LINGO2: variants seen among roughly 807,000 people sequenced by gnomAD.
LINGO2 encodes the protein leucine rich repeat and Ig domain containing 2.
LINGO2 carries 14 observed loss-of-function variants against 30.6 expected under a neutral mutation model. That is an observed-to-expected ratio of 0.46 (90% CI 0.30 to 0.72). The LOEUF is 0.72. LINGO2 is among the 30% of genes least tolerant of loss of function. The pLI, the probability that LINGO2 is intolerant of heterozygous loss-of-function variation, is 0.07. For missense variants in LINGO2, 729 were observed against 751.7 expected, an observed-to-expected ratio of 0.97 and a Z score of 0.35; for synonymous variants, 317 against 288.5, an observed-to-expected ratio of 1.10 and a Z score of -1.00.
chr9:28,486,390 A>G (rs16913188), intron 1 of LINGO2, among the ~76,000 whole-genome samples: 2,250 of 152,264 alleles, frequency 0.015, 59 homozygotes, highest in African/African-American at 0.051. Flanking sequence ...CTAAGTAAAT[A>G]CTAAGTAATT....
the LINGO2 span, among the ~76,000 whole-genome samples, chr9:28,832,359 C>T: frequency 6.6e-6 from 1 of 152,132 alleles, no homozygotes; most frequent in African/African-American, 2.4e-5. Flanking sequence ...ATACCTCATA[C>T]CACGTGTGCA....
chr9:28,808,891 C>A, the LINGO2 span, among the ~76,000 whole-genome samples: 1 of 152,074 alleles, frequency 6.6e-6, no homozygotes. Flanking sequence ...TCTTAGGTGA[C>A]AAGAACAGAC....
chr9:28,726,694 G>C, the LINGO2 span, among the ~76,000 whole-genome samples: 1 of 152,046 alleles, frequency 6.6e-6, no homozygotes, highest in African/African-American at 2.4e-5. Flanking sequence ...AGTAAGGCTG[G>C]TATTCTAGCC....
chr9:28,449,635 A>G (rs1177846143), intron 2 of LINGO2, among the ~76,000 whole-genome samples: 1 of 152,098 alleles, frequency 6.6e-6, no homozygotes, highest in Non-Finnish European at 1.5e-5. Context: ...TGAAGAATCA[A>G]TTCTTTATTA....
chr9:28,999,895 T>G, the LINGO2 span, among the ~76,000 whole-genome samples: 1 of 144,956 alleles, frequency 6.9e-6, no homozygotes, highest in African/African-American at 2.6e-5. Flanking sequence ...CATTTCTAAA[T>G]AACTGTATCC....
chr9:28,909,397 G>C, the LINGO2 span, among the ~76,000 whole-genome samples: 1 of 151,880 alleles, frequency 6.6e-6, no homozygotes, highest in Non-Finnish European at 1.5e-5. Context: ...ATTCTATAAT[G>C]TAGATAATCA....
intron 4 of LINGO2, among the ~76,000 whole-genome samples, chr9:28,181,455 T>A (rs981496494): frequency 6.6e-6 from 1 of 152,114 alleles, no homozygotes. Flanking sequence ...CCACATCCCC[T>A]GGAAGCTTGT....
At chr9:28,047,080 G>T (rs1018862936) in intron 4 of LINGO2, among the ~76,000 whole-genome samples, 1 of 152,092 alleles carries the variant, frequency 6.6e-6, no homozygotes, top group African/African-American at 2.4e-5. Context: ...CCCATAAGCA[G>T]ACAGTAAATA....
chr9:28,241,726 C>A (rs955228096), intron 4 of LINGO2, among the ~76,000 whole-genome samples: 1 of 152,188 alleles, frequency 6.6e-6, no homozygotes, highest in Non-Finnish European at 1.5e-5. Context: ...TTCCTACTGT[C>A]ATCAGGTCAG....
the LINGO2 span, among the ~76,000 whole-genome samples, chr9:29,077,098 T>A: frequency 1.3e-5 from 2 of 152,194 alleles, no homozygotes; most frequent in African/African-American, 4.8e-5. Flanking sequence ...CCAAGGAAAG[T>A]ATTTTATATC....
chr9:28,199,341 CTTCTT>C (rs1820133257), intron 4 of LINGO2, among the ~76,000 whole-genome samples: 1 of 134,810 alleles, frequency 7.4e-6, no homozygotes, highest in African/African-American at 2.6e-5. Context: ...TCTTCTTCTT[CTTCTT>C]TTTTTTTTTT....
the LINGO2 span, among the ~76,000 whole-genome samples, chr9:29,104,478 C>G: frequency 2.5e-4 from 38 of 152,222 alleles, no homozygotes; most frequent in East Asian, 3.5e-3. Flanking sequence ...TCCTGTACAG[C>G]CTGCAGAACT....
chr9:28,212,184 T>C (rs182551349), intron 4 of LINGO2, among the ~76,000 whole-genome samples: 1 of 151,636 alleles, frequency 6.6e-6, no homozygotes, highest in Non-Finnish European at 1.5e-5. Flanking sequence ...GACTGCTAAA[T>C]AAGTCAATAT....
At chr9:28,476,116 A>C (rs1825717401) in intron 1 of LINGO2, 91 bp from the exon 4 acceptor site, 1 of 152,592 alleles carries the variant, frequency 6.6e-6, no homozygotes, top group African/African-American at 2.4e-5. Context: ...GTAATAATTA[A>C]CATATATAGT....
chr9:28,707,366 AT>A, the LINGO2 span, among the ~76,000 whole-genome samples: 1 of 152,172 alleles, frequency 6.6e-6, no homozygotes, highest in Non-Finnish European at 1.5e-5. Flanking sequence ...CCCATTGACC[AT>A]TAGATAAATG....
the LINGO2 span, among the ~76,000 whole-genome samples, chr9:28,995,791 G>A: frequency 1.3e-5 from 2 of 151,754 alleles, no homozygotes; most frequent in South Asian, 2.1e-4. Flanking sequence ...AACACCGCAT[G>A]TTCTCACTCA....
At chr9:28,496,658 A>C (rs1471577659) in intron 1 of LINGO2, among the ~76,000 whole-genome samples, 3 of 152,084 alleles carry the variant, frequency 2.0e-5, no homozygotes. Context: ...GTCCATTTAC[A>C]TTTAAAGTTA....
chr9:29,011,307 C>T, the LINGO2 span, among the ~76,000 whole-genome samples: 1 of 152,158 alleles, frequency 6.6e-6, no homozygotes, highest in Non-Finnish European at 1.5e-5. Flanking sequence ...ATACCTTCTT[C>T]AGTAGTCTCA....
intron 4 of LINGO2, among the ~76,000 whole-genome samples, chr9:28,099,842 C>T (rs1348998218): frequency 6.6e-6 from 1 of 152,094 alleles, no homozygotes; most frequent in Non-Finnish European, 1.5e-5. Flanking sequence ...CATGCTCTTG[C>T]CCTCCTGTCC....
Sources: gnomAD v4.1 joint callset for allele counts (sites outside exome capture counted in the v4.1 genomes callset) on GRCh38, gnomAD v4.1.1 for gene constraint, MANE v1.5 for transcripts, NCBI Gene and HGNC (gene_info 2026-07-23, HGNC 2026-07-21) for gene names.